The following KLHL31 variants were observed in gnomAD, a reference collection of about 807,000 sequenced individuals.
KLHL31 encodes the protein kelch-like protein 31.
A neutral mutation model predicts 47.1 loss-of-function variants in KLHL31; 32 were observed. The ratio of observed to expected loss-of-function variants is 0.68; its 90% CI spans 0.51 to 0.91. The LOEUF (loss-of-function observed/expected upper bound fraction) is 0.91. KLHL31 is among the 40% of genes least tolerant of loss of function. KLHL31 has a pLI of 0.00. For synonymous variants in KLHL31, 330 were observed against 325.1 expected, an observed-to-expected ratio of 1.01 and a Z score of -0.16; for missense variants, 797 against 819.3, an observed-to-expected ratio of 0.97 and a Z score of 0.33.
chr6:53,659,696 T>A (rs1764618494), intron 1 of KLHL31, among the ~76,000 whole-genome samples: 1 of 152,154 alleles, frequency 6.6e-6, no homozygotes, highest in African/African-American at 2.4e-5. Context: ...GGGAGACAGT[T>A]GGGCAGGTAA....
chr6:53,662,964 G>A (rs1764668582), intron 1 of KLHL31, among the ~76,000 whole-genome samples: 1 of 151,210 alleles, frequency 6.6e-6, no homozygotes, highest in African/African-American at 2.5e-5. Context: ...ACTATGTGCT[G>A]GGCCCTGGGT....
At chr6:53,653,399 G>A (rs1547658) in intron 2 of KLHL31, among the ~76,000 whole-genome samples, 137,183 of 152,304 alleles carry the variant, frequency 0.9, 61,869 homozygotes, top group East Asian at 1. Context: ...GTTTGACTTT[G>A]TACTACTACC....
At chr6:53,652,368 G>A (rs1448976098) in intron 2 of KLHL31, 38 bp from the exon 3 acceptor site, 14 of 1,608,134 alleles carry the variant, frequency 8.7e-6, no homozygotes, top group Middle Eastern at 1.7e-4. Flanking sequence ...CTTTGTCGGC[G>A]GCAGCTGGGG....
chr6:53,660,344 A>T (rs1224476717), intron 1 of KLHL31, among the ~76,000 whole-genome samples: 1 of 152,188 alleles, frequency 6.6e-6, no homozygotes, highest in African/African-American at 2.4e-5. Flanking sequence ...GTAATCTATA[A>T]CATTACTGAA....
intron 1 of KLHL31, among the ~76,000 whole-genome samples, chr6:53,665,065 A>G (rs1197626116): frequency 6.6e-6 from 1 of 151,540 alleles, no homozygotes; most frequent in East Asian, 1.9e-4. Context: ...TTTTTTAGGA[A>G]GGATATTTCC....
intron 1 of KLHL31, among the ~76,000 whole-genome samples, chr6:53,660,650 C>T (rs1252868701): frequency 1.3e-5 from 2 of 152,080 alleles, no homozygotes; most frequent in South Asian, 2.1e-4. Context: ...CCTGTCTCTA[C>T]CAAAAATACA....
At position 53,654,337 on chromosome 6, in the gene KLHL31, T is replaced by A; in HGVS notation, c.936A>T (p.Arg312=). 1 of 1,614,198 alleles carries A rather than the reference T, an allele frequency of 6.2e-7. No individual in the cohort carries two copies. Among genetic ancestry groups the A allele is most frequent in the Non-Finnish European group, 8.5e-7 (1 of 1,180,040 alleles). ...CAGTGACGAGGACTCGGCAGCCACC[T>A]CGGATTCTTGTTCGCCTAGATTGCA... ...NTLQSRRTRI[R]GGCRVLVTVG... Residue 312 remains arginine, a synonymous_variant, in exon 2 of 3, where the codon CGA becomes CGT. Coordinates refer to ENST00000370905, the MANE Select transcript of KLHL31 (RefSeq NM_001003760.5).
chr6:53,652,531 A>G (rs1174649391), intron 2 of KLHL31: 3 of 628,872 alleles, frequency 4.8e-6, no homozygotes, highest in Non-Finnish European at 8.2e-6. Context: ...GCAGGCATTG[A>G]CCACCCCTCG....
In KLHL31 at chr6:53,651,827, C is replaced by T. The variant is rs1336423138; in HGVS notation, c.1676G>A (p.Gly559Asp). ...GGCGCGGCCATGCAGCGCCGAGACG[C>T]CCGCAGTGCTCACTCCCACCTGCAG... ...APLQVGVSTA[G>D]VSALHGRAYL... The change falls in exon 3 of 3, where the codon GGC becomes GAC. Residue 559 changes from glycine to aspartate, a missense_variant. By Grantham distance (94) the Gly-to-Asp change is moderately conservative. Coordinates refer to ENST00000370905, the MANE Select transcript of KLHL31 (RefSeq NM_001003760.5). 6 of 1,610,450 alleles carry T rather than the reference C, an allele frequency of 3.7e-6. No individual in the cohort carries two copies. Among genetic ancestry groups the T allele is most frequent in the South Asian group, 1.1e-5 (1 of 91,048 alleles).
chr6:53,652,758 A>G (rs975442693), intron 2 of KLHL31, among the ~76,000 whole-genome samples: 2 of 152,172 alleles, frequency 1.3e-5, no homozygotes, highest in African/African-American at 2.4e-5. Context: ...ATTAAAGTCA[A>G]TTCTGCATAT....
Position 53,655,146 on chromosome 6 carries a change from G to A in KLHL31, c.127C>T (p.Leu43Phe). ...LNGLLEGGNGLSCISSELTDA... is the reference protein window; with the variant it reads ...LNGLLEGGNGFSCISSELTDA... ...GTTAGTTCAGAAGAAATGCAGCTAAGGCCATTGCCTCCCTCTAGGAGCCCA... is the reference window on the plus strand; with the variant it reads ...GTTAGTTCAGAAGAAATGCAGCTAAAGCCATTGCCTCCCTCTAGGAGCCCA... The change falls in exon 2 of 3, where the codon CTT becomes TTT. Residue 43 changes from leucine (L) to phenylalanine (F), a missense_variant. By Grantham distance (22) the Leu-to-Phe change is conservative. Coordinates refer to ENST00000370905, the MANE Select transcript of KLHL31 (RefSeq NM_001003760.5). 1 of 1,614,176 alleles carries A rather than the reference G, an allele frequency of 6.2e-7. No individual in the cohort carries two copies. The highest frequency in any genetic ancestry group is 8.5e-7 in the Non-Finnish European group (1 of 1,180,016).
At position 53,654,561 on chromosome 6, in the gene KLHL31, T is replaced by A; in HGVS notation, c.712A>T (p.Met238Leu). The A allele has an allele frequency of 6.2e-7, 1 of 1,614,178 alleles. No homozygotes were observed. Among genetic ancestry groups the A allele is most frequent in the Non-Finnish European group, 8.5e-7 (1 of 1,179,986 alleles). The change falls in exon 2 of 3, where the codon ATG becomes TTG. Residue 238 changes from methionine to leucine, a missense_variant. Transcript: ENST00000370905. The stretch of plus-strand genomic sequence containing the variant: ...TTTTGGTCAAATTCTAACCATTTCA[T>A]TGCAATCTGGAATGCTACTATCTCA... ...PSEIVAFQIA[M>L]KWLEFDQKRV...
At chr6:53,652,420 C>T in intron 2 of KLHL31, 90 bp from the exon 3 acceptor site, 1 of 1,537,214 alleles carries the variant, frequency 6.5e-7, no homozygotes, top group Non-Finnish European at 8.9e-7. Flanking sequence ...AAGCCTGACA[C>T]TACCCCTGCA....
At chr6:53,658,306 G>A (rs1338765906) in intron 1 of KLHL31, among the ~76,000 whole-genome samples, 1 of 152,102 alleles carries the variant, frequency 6.6e-6, no homozygotes, top group Admixed American at 6.5e-5. Flanking sequence ...TAGATACAGG[G>A]CTTGCAAATG....
intron 1 of KLHL31, 147 bp downstream of exon 1, chr6:53,665,454 A>T (rs949744709): frequency 1.3e-5 from 2 of 152,262 alleles, no homozygotes; most frequent in Non-Finnish European, 2.9e-5. Flanking sequence ...GATTAGGGAC[A>T]TGAACCACCT....
Position 53,649,369 on chromosome 6 carries a change from A to G in KLHL31, c.*2229T>C, listed in dbSNP as rs1175419811. On this transcript the variant is annotated 3_prime_UTR_variant, in exon 3 of 3. Coordinates refer to ENST00000370905, the MANE Select transcript of KLHL31 (RefSeq NM_001003760.5). ...CAGCAATGCACCCAAGAGTCTGGTA[A>G]GCTCAAATATGTGGATTTTCTGAGT... 1.3e-5 allele frequency: 2 copies of G among 152,144 alleles called. No individual in the cohort carries two copies. The highest frequency in any genetic ancestry group is 2.4e-5 in the African/African-American group (1 of 41,446). The allele number at this position is 152,144 out of a possible 1,614,324, so 9.4% of individuals were successfully genotyped here. A position where few individuals can be genotyped will look rare whatever the true frequency, so the allele number is the denominator to read the frequency against.
At chr6:53,657,790 A>C (rs148195187) in intron 1 of KLHL31, among the ~76,000 whole-genome samples, 1 of 152,128 alleles carries the variant, frequency 6.6e-6, no homozygotes, top group African/African-American at 2.4e-5. Context: ...TCCTGTTCCT[A>C]TCCATGCAGA....
intron 1 of KLHL31, among the ~76,000 whole-genome samples, chr6:53,662,553 C>A (rs2478347): frequency 0.99 from 151,094 of 152,272 alleles, 74,977 homozygotes; most frequent in Middle Eastern, 1. Context: ...AAGCCCAGAG[C>A]ATTCACCTTC....
chr6:53,649,207 T>A lies in KLHL31; in HGVS notation c.*2391A>T, dbSNP rs899186937. ...TACTTTTATGTCTTTCAATTGGCAATGCAAGATGTTCCAGGATATGAAACT... is the reference window on the plus strand; with the variant it reads ...TACTTTTATGTCTTTCAATTGGCAAAGCAAGATGTTCCAGGATATGAAACT... On this transcript the variant is annotated 3_prime_UTR_variant, in exon 3 of 3. Transcript: ENST00000370905. 1 of 152,162 alleles carries A rather than the reference T, an allele frequency of 6.6e-6. No homozygotes were observed. The highest frequency in any genetic ancestry group is 1.9e-4 in the East Asian group (1 of 5,200). 9.4% of individuals were successfully genotyped at this position (152,162 alleles called of 1,614,324 possible). A position where few individuals can be genotyped will look rare whatever the true frequency, so the allele number is the denominator to read the frequency against.
Sources: allele counts gnomAD v4.1 joint callset (sites outside exome capture counted in the v4.1 genomes callset), GRCh38; gene constraint gnomAD v4.1.1; transcripts MANE v1.5; gene names NCBI Gene and HGNC (gene_info 2026-07-23, HGNC 2026-07-21).